Variants in CACNA1B observed in about 807,000 individuals in gnomAD.
CACNA1B encodes the protein voltage-dependent N-type calcium channel subunit alpha-1B.
CACNA1B carries 70 observed loss-of-function variants against 247.2 expected under a neutral mutation model. That is an observed-to-expected ratio of 0.28 (90% confidence interval 0.23 to 0.35). The LOEUF (loss-of-function observed/expected upper bound fraction) is 0.35, where lower values mean the gene tolerates loss of function less well. Among genes scored for constraint, CACNA1B ranks in the 10% least tolerant of loss-of-function variants. The pLI is 1.00. For synonymous variants in CACNA1B, 1,231 were observed against 1,294.4 expected (o/e 0.95, Z 1.05); for missense variants, 2,367 against 3,197.4 (o/e 0.74, Z 6.26).
chr9:137,940,854 A>G (rs1003539371), intron 6 of CACNA1B, among the ~76,000 whole-genome samples: 1 of 152,236 alleles, frequency 6.6e-6, no homozygotes, highest in Admixed American at 6.5e-5. Flanking sequence ...ACCTTCGACA[A>G]AATTCAGCAT....
chr9:137,901,686 A>ATTTTTTTTT (rs57624388), intron 3 of CACNA1B, among the ~76,000 whole-genome samples: 1 of 112,396 alleles, frequency 8.9e-6, no homozygotes, highest in Non-Finnish European at 1.8e-5. Flanking sequence ...TTTTTTTGTG[A>ATTTTTTTTT]TTTTTTTTTT....
chr9:138,065,017 A>G (rs1447129088), intron 31 of CACNA1B, among the ~76,000 whole-genome samples: 6 of 152,194 alleles, frequency 3.9e-5, no homozygotes. Flanking sequence ...AGCATCTGCC[A>G]AGGCAGTTCT....
intron 10 of CACNA1B, among the ~76,000 whole-genome samples, chr9:137,958,161 TAGA>T (rs1434677377): frequency 6.6e-6 from 1 of 152,214 alleles, no homozygotes; most frequent in African/African-American, 2.4e-5. Context: ...GGACCAGATT[TAGA>T]AGATGTCTAC....
At position 137,882,929 on chromosome 9, in the gene CACNA1B, T is replaced by C. The variant is rs761822214; in HGVS notation, c.530+46T>C. On this transcript the variant is annotated intron_variant, in intron 3 of 46. Coordinates refer to ENST00000371372, the MANE Select transcript of CACNA1B (RefSeq NM_000718.4). The surrounding 1 kb of genome is among the most constrained non-coding windows in gnomAD (Gnocchi z 4.0). ...AGGCCCAGCGTGTGAGGCCCGGGCG[T>C]GTGCTCTCTGAAGCTCAGTTGCGCC... 13 of 1,572,456 alleles carry C rather than the reference T, an allele frequency of 8.3e-6. No homozygotes were observed. The African/African-American group carries it at 1.4e-4, about 17-fold the overall frequency.
chr9:137,888,862 G>A lies in CACNA1B; in HGVS notation c.530+5979G>A, dbSNP rs1232484358. On this transcript the variant is annotated intron_variant, in intron 3 of 46. Coordinates refer to ENST00000371372, the MANE Select transcript of CACNA1B (RefSeq NM_000718.4). The surrounding 1 kb of genome is among the most constrained non-coding windows in gnomAD (Gnocchi z 4.7). ...AGGGAGAAGCCAGGCCCAGCTCAGG[G>A]CCCCACAGAGGGTCCCCATGGGCAA... is the stretch of plus-strand genomic sequence containing the variant. Among the ~76,000 whole-genome samples the A allele has an allele frequency of 2.0e-5, 3 of 152,174 alleles. No homozygotes were observed. The highest frequency in any genetic ancestry group is 7.2e-5 in the African/African-American group (3 of 41,466).
rs116597439 is a variant in CACNA1B, at chr9:138,036,657, A to G, written c.3287-7117A>G. Among the ~76,000 whole-genome samples the G allele has an allele frequency of 2.8e-3, 423 of 152,182 alleles. 1 individual carries two copies. The highest frequency in any genetic ancestry group is 9.5e-3 in the African/African-American group (396 of 41,506). ...TTCGTCTAAATTTTTTTTCCTATGT[A>G]TGACTGTCTTCTCTCTGGGGCTGCT... is the stretch of plus-strand genomic sequence containing the variant. On this transcript the variant is annotated intron_variant, in intron 20 of 46. Coordinates refer to ENST00000371372, the MANE Select transcript of CACNA1B (RefSeq NM_000718.4).
intron 36 of CACNA1B, among the ~76,000 whole-genome samples, chr9:138,091,135 T>A (rs2131335814): frequency 6.6e-6 from 1 of 152,280 alleles, no homozygotes; most frequent in East Asian, 1.9e-4. Flanking sequence ...GGAATCAACT[T>A]AAGTGTCCAT....
intron 42 of CACNA1B, among the ~76,000 whole-genome samples, chr9:138,117,613 G>C (rs966708993): frequency 2.0e-5 from 3 of 152,220 alleles, no homozygotes; most frequent in South Asian, 2.1e-4. Flanking sequence ...GTCCAGAGGA[G>C]CGGGTGACGG....
Position 137,888,053 on chromosome 9 carries a change from C to A in CACNA1B, c.530+5170C>A, listed in dbSNP as rs149988564. Among the ~76,000 whole-genome samples the A allele has an allele frequency of 6.6e-6, 1 of 151,496 alleles. No homozygotes were observed. The highest frequency in any genetic ancestry group is 1.5e-5 in the Non-Finnish European group (1 of 67,824). On this transcript the variant is annotated intron_variant, in intron 3 of 46. Transcript: ENST00000371372. This position sits in a 1 kb window ranked among gnomAD's most constrained non-coding sequence, Gnocchi z 4.7. ...CTCGGGCGTTGGAGGGCTCTGAGCACAGGTGTGGCCCAATTGACTCGTGAT... is the reference window on the plus strand; with the variant it reads ...CTCGGGCGTTGGAGGGCTCTGAGCAAAGGTGTGGCCCAATTGACTCGTGAT...
In CACNA1B at chr9:137,955,234, G is replaced by A. The variant is rs1000033631; in HGVS notation, c.1071-464G>A. 2.6e-5 allele frequency among the ~76,000 whole-genome samples: 4 copies of A among 152,184 alleles called. No individual in the cohort carries two copies. The highest frequency in any genetic ancestry group is 7.2e-5 in the African/African-American group (3 of 41,446). Reference sequence around the variant, plus strand: ...CCCTCCCACTTCCCACAGAGGCTTTGCATCTGAACCAACAGAGGAAGCAAA... The same window carrying A: ...CCCTCCCACTTCCCACAGAGGCTTTACATCTGAACCAACAGAGGAAGCAAA... On this transcript the variant is annotated intron_variant, in intron 7 of 46. Transcript: ENST00000371372. The surrounding 1 kb of genome is among the most constrained non-coding windows in gnomAD (Gnocchi z 6.9).
At position 137,954,017 on chromosome 9, in the gene CACNA1B, C is replaced by A. The variant is rs567133605; in HGVS notation, c.1070+1640C>A. On this transcript the variant is annotated intron_variant, in intron 7 of 46. Coordinates refer to ENST00000371372, the MANE Select transcript of CACNA1B (RefSeq NM_000718.4). The surrounding 1 kb of genome is among the most constrained non-coding windows in gnomAD (Gnocchi z 4.1). ...TCCCTCTAGGGAATGTGCAGAATAGCCTGAGGGGCTGGAGGGGAGGCCCAA... is the reference window on the plus strand; with the variant it reads ...TCCCTCTAGGGAATGTGCAGAATAGACTGAGGGGCTGGAGGGGAGGCCCAA... Among the ~76,000 whole-genome samples, 1 of 152,270 alleles carries A rather than the reference C, an allele frequency of 6.6e-6. No homozygotes were observed. The highest frequency in any genetic ancestry group is 2.4e-5 in the African/African-American group (1 of 41,544).
intron 39 of CACNA1B, 148 bp downstream of exon 39, chr9:138,105,955 C>T: frequency 3.4e-6 from 2 of 589,648 alleles, no homozygotes; most frequent in Non-Finnish European, 6.1e-6. Flanking sequence ...AGGATACCCA[C>T]CCTGGGGCAC....
chr9:138,008,489 G>A (rs553518783), intron 16 of CACNA1B, among the ~76,000 whole-genome samples: 82 of 152,358 alleles, frequency 5.4e-4, no homozygotes, highest in African/African-American at 1.9e-3. Flanking sequence ...TGCCCTGTGG[G>A]CTCTGCTGGA....
chr9:138,064,568 G>A (rs941493353), intron 31 of CACNA1B, among the ~76,000 whole-genome samples: 1 of 152,190 alleles, frequency 6.6e-6, no homozygotes. Context: ...CCTGCCTCTA[G>A]GAATGCCATG....
At chr9:137,886,076 G>A (rs1286804374) in intron 3 of CACNA1B, among the ~76,000 whole-genome samples, 4 of 151,538 alleles carry the variant, frequency 2.6e-5, no homozygotes, top group African/African-American at 4.8e-5. Context: ...GAGGGCTCCT[G>A]GCGCCTGGCC....
rs776778212 is a variant in CACNA1B at position 138,059,845 on chromosome 9, G to A, written c.4668+108G>A. ...CTGTGTTAGCCTCTTCCTGGGTTCC[G>A]CAGAACCCCCTGGACATGTGGAGGC... On this transcript the variant is annotated intron_variant, in intron 31 of 46. Coordinates refer to ENST00000371372, the MANE Select transcript of CACNA1B (RefSeq NM_000718.4). The surrounding 1 kb of genome is among the most constrained non-coding windows in gnomAD (Gnocchi z 4.2). 76 of 716,590 alleles carry A rather than the reference G, an allele frequency of 1.1e-4. No homozygotes were observed. The highest frequency in any genetic ancestry group is 6.9e-4 in the South Asian group (42 of 61,300). The allele number at this position is 716,590 out of a possible 1,614,324, so 44.4% of individuals were successfully genotyped here.
At chr9:137,961,887 G>C (rs2133352851) in intron 10 of CACNA1B, among the ~76,000 whole-genome samples, 1 of 152,308 alleles carries the variant, frequency 6.6e-6, no homozygotes, top group Middle Eastern at 3.4e-3. Context: ...GATGATGCTG[G>C]TCTCATAGAA....
rs950196402 is a variant in CACNA1B at position 138,054,310 on chromosome 9, G to A, written c.3968+304G>A. Among the ~76,000 whole-genome samples the A allele has an allele frequency of 2.0e-5, 3 of 152,232 alleles. No homozygotes were observed. The highest frequency in any genetic ancestry group is 2.9e-5 in the Non-Finnish European group (2 of 68,034). Reference sequence around the variant, plus strand: ...TCCAGGGAGCTCAAGGTGCCCACTGGGCAAGGCTTTCTCTAAGCCCTAGAG... The same window carrying A: ...TCCAGGGAGCTCAAGGTGCCCACTGAGCAAGGCTTTCTCTAAGCCCTAGAG... On this transcript the variant is annotated intron_variant, in intron 26 of 46. Transcript: ENST00000371372. The surrounding 1 kb of genome is among the most constrained non-coding windows in gnomAD (Gnocchi z 4.6).
At position 137,956,835 on chromosome 9, in the gene CACNA1B, G is replaced by T; in HGVS notation, c.1243+8G>T. On this transcript the variant is annotated splice_region_variant and intron_variant, in intron 9 of 46. Transcript: ENST00000371372. ...AGAAGTCCCCTTTGGACGGTAGGTG[G>T]CACTTGCTGGTACTCCTGTGTGGTG... The T allele has an allele frequency of 6.2e-7, 1 of 1,611,766 alleles. No individual in the cohort carries two copies. Among genetic ancestry groups the T allele is most frequent in the Non-Finnish European group, 8.5e-7 (1 of 1,178,074 alleles).
Sources: gnomAD v4.1 joint callset for allele counts (sites outside exome capture counted in the v4.1 genomes callset) on GRCh38, gnomAD v4.1.1 for gene constraint, Gnocchi (gnomAD v3.1) non-coding constraint, MANE v1.5 for transcripts, NCBI Gene and HGNC (gene_info 2026-07-23, HGNC 2026-07-21) for gene names.